Variants in PTPRT observed in about 807,000 individuals in gnomAD.
PTPRT encodes receptor-type tyrosine-protein phosphatase T.
PTPRT carries 56 observed loss-of-function variants against 176.8 expected under a neutral mutation model. The ratio of observed to expected loss-of-function variants is 0.32; its 90% CI spans 0.26 to 0.40. The LOEUF (loss-of-function observed/expected upper bound fraction) is 0.40. Among genes scored for constraint, PTPRT ranks in the 10% least tolerant of loss-of-function variants. The pLI, the probability that PTPRT is intolerant of heterozygous loss-of-function variation, is 1.00. For synonymous variants in PTPRT, 783 were observed against 739.0 expected (o/e 1.06, Z -0.96); for missense variants, 1,540 against 1,908.2 (o/e 0.81, Z 3.60).
At chr20:42,195,080 C>T (rs186073003) in intron 16 of PTPRT, among the ~76,000 whole-genome samples, 1 of 152,200 alleles carries the variant, frequency 6.6e-6, no homozygotes, top group East Asian at 1.9e-4. Context: ...GGGTGCAGCA[C>T]ACCAACATGG....
chr20:42,699,024 A>G (rs1483026729), intron 6 of PTPRT, among the ~76,000 whole-genome samples: 1 of 152,216 alleles, frequency 6.6e-6, no homozygotes, highest in Non-Finnish European at 1.5e-5. Context: ...AAAACTTGGC[A>G]ATGAAGAGGA....
intron 19 of PTPRT, among the ~76,000 whole-genome samples, chr20:42,126,025 T>TG (rs144977174): frequency 0.08 from 3,332 of 41,740 alleles, 75 homozygotes; most frequent in African/African-American, 0.15. Flanking sequence ...TGTCTGGGAG[T>TG]GGGGGGGGGG....
intron 19 of PTPRT, among the ~76,000 whole-genome samples, chr20:42,125,827 G>T (rs918154383): frequency 3.9e-5 from 6 of 152,060 alleles, no homozygotes; most frequent in African/African-American, 1.2e-4. Context: ...GACTTTTGTT[G>T]GGGGATTCTA....
At chr20:42,407,694 G>C (rs1263655467) in intron 9 of PTPRT, among the ~76,000 whole-genome samples, 1 of 151,914 alleles carries the variant, frequency 6.6e-6, no homozygotes, top group Admixed American at 6.6e-5. Context: ...AGATACTCAG[G>C]AAAAATATTT....
the PTPRT span, among the ~76,000 whole-genome samples, chr20:42,066,955 T>C: frequency 6.6e-6 from 1 of 152,168 alleles, no homozygotes; most frequent in African/African-American, 2.4e-5. Context: ...CATTGTAAAA[T>C]GTCTTTCTTT....
intron 1 of PTPRT, among the ~76,000 whole-genome samples, chr20:43,139,397 GC>G (rs1568807680): frequency 6.6e-6 from 1 of 152,146 alleles, no homozygotes; most frequent in Non-Finnish European, 1.5e-5. Flanking sequence ...AGAATTAAAG[GC>G]CTTGGAGAAG....
At chr20:42,545,678 C>T (rs1339973018) in intron 7 of PTPRT, among the ~76,000 whole-genome samples, 4 of 152,146 alleles carry the variant, frequency 2.6e-5, no homozygotes, top group Non-Finnish European at 5.9e-5. Flanking sequence ...AAGTGGTCAG[C>T]ACTCTCACAA....
chr20:43,098,707 T>C (rs762465801), intron 1 of PTPRT, among the ~76,000 whole-genome samples: 6 of 152,112 alleles, frequency 3.9e-5, no homozygotes, highest in African/African-American at 7.2e-5. Context: ...AACCAAATTA[T>C]ACGTTAAAGC....
At chr20:42,578,399 A>C (rs1223704398) in intron 7 of PTPRT, among the ~76,000 whole-genome samples, 1 of 152,188 alleles carries the variant, frequency 6.6e-6, no homozygotes, top group Admixed American at 6.5e-5. Context: ...ATCATGGTGC[A>C]GATGTGATTG....
chr20:43,038,544 TA>T (rs1411794191), intron 1 of PTPRT, among the ~76,000 whole-genome samples: 3 of 152,144 alleles, frequency 2.0e-5, no homozygotes, highest in African/African-American at 4.8e-5. Context: ...GCATTATAAT[TA>T]AATCAGAAAA....
At chr20:43,079,993 C>G (rs1248707966) in intron 1 of PTPRT, among the ~76,000 whole-genome samples, 1 of 152,004 alleles carries the variant, frequency 6.6e-6, no homozygotes, top group African/African-American at 2.4e-5. Flanking sequence ...CGGAGAAAAG[C>G]CTTTATTAGA....
chr20:42,780,293 A>C lies in PTPRT; in HGVS notation c.493T>G (p.Phe165Val). ...TGACCCTTCAATGAGACGGATTCAA[A>C]TATCACCTGCAACACACAGGGCGGG... is the stretch of plus-strand genomic sequence containing the variant. Reference protein sequence around the residue: ...TFWPHFYQVIFESVSLKGHPG... With the variant: ...TFWPHFYQVIVESVSLKGHPG... Residue 165 changes from phenylalanine to valine, a missense_variant, in exon 4 of 31, where the codon TTT becomes GTT. Coordinates refer to ENST00000373187, the MANE Select transcript of PTPRT (RefSeq NM_007050.6). 1 of 1,613,774 alleles carries C rather than the reference A, an allele frequency of 6.2e-7. No homozygotes were observed.
intron 1 of PTPRT, among the ~76,000 whole-genome samples, chr20:43,049,203 A>T (rs535694915): frequency 1.3e-5 from 2 of 152,312 alleles, no homozygotes; most frequent in South Asian, 4.1e-4. Flanking sequence ...TAACATTCAA[A>T]TTCAAACAGT....
intron 11 of PTPRT, among the ~76,000 whole-genome samples, chr20:42,338,880 CAT>C (rs2058075591): frequency 6.6e-6 from 1 of 152,106 alleles, no homozygotes; most frequent in Admixed American, 6.5e-5. Flanking sequence ...TAAAAACCTT[CAT>C]TTTTTCTCTC....
intron 11 of PTPRT, among the ~76,000 whole-genome samples, chr20:42,324,456 C>T (rs73273154): frequency 0.01 from 1,542 of 152,150 alleles, 19 homozygotes; most frequent in African/African-American, 0.036. Flanking sequence ...GATAGTTGCA[C>T]GATCCTATAC....
rs117172641 is a variant in PTPRT, at chr20:42,731,506, A to G, written c.859+24956T>C. Among the ~76,000 whole-genome samples, 650 of 152,336 alleles carry G rather than the reference A, an allele frequency of 4.3e-3. 18 individuals are homozygous for G. Among genetic ancestry groups the G allele is most frequent in the Admixed American group, 0.03 (453 of 15,300 alleles). On this transcript the variant is annotated intron_variant, in intron 6 of 30. Transcript: ENST00000373187. ...GCCGCTACATAAATTAGACAGGCCT[A>G]AATAAGTCAGGCTAGAGACAGGAAT...
chr20:43,080,461 T>C (rs751546193), intron 1 of PTPRT, among the ~76,000 whole-genome samples: 4 of 152,268 alleles, frequency 2.6e-5, no homozygotes, highest in African/African-American at 4.8e-5. Context: ...TATTTTTCTC[T>C]GGGCTTTTGT....
intron 1 of PTPRT, among the ~76,000 whole-genome samples, chr20:43,074,388 A>T (rs746748017): frequency 6.6e-6 from 1 of 152,202 alleles, no homozygotes; most frequent in East Asian, 1.9e-4. Flanking sequence ...ATTCCATTTC[A>T]TTAAAATGAA....
At chr20:42,956,469 C>T (rs1045705241) in intron 1 of PTPRT, among the ~76,000 whole-genome samples, 1 of 151,252 alleles carries the variant, frequency 6.6e-6, no homozygotes, top group Non-Finnish European at 1.5e-5. Flanking sequence ...GACACCTGCT[C>T]CCCCTTTGCC....
Sources: allele counts gnomAD v4.1 joint callset (sites outside exome capture counted in the v4.1 genomes callset), GRCh38; gene constraint gnomAD v4.1.1; transcripts MANE v1.5; gene names NCBI Gene and HGNC (gene_info 2026-07-23, HGNC 2026-07-21).